The following RORA variants were observed in gnomAD, a reference collection of about 807,000 sequenced individuals.
RORA encodes the protein RAR related orphan receptor A.
A neutral mutation model predicts 69.5 loss-of-function variants in RORA; 7 were observed. That is an observed-to-expected ratio of 0.10 (90% CI 0.06 to 0.19). RORA has a LOEUF of 0.19. RORA is among the 10% of genes least tolerant of loss of function. The pLI is 1.00. For missense variants in RORA, 457 were observed against 663.0 expected (o/e 0.69, Z 3.41); for synonymous variants, 261 against 240.8 (o/e 1.08, Z -0.78).
chr15:60,617,659 C>CAGACAG (rs2069283032), intron 2 of RORA, among the ~76,000 whole-genome samples: 1 of 141,440 alleles, frequency 7.1e-6, no homozygotes, highest in Non-Finnish European at 1.6e-5. Context: ...CACATACAGA[C>CAGACAG]AGAGAGAGAG....
At chr15:60,808,725 T>C (rs936774886) in intron 1 of RORA, among the ~76,000 whole-genome samples, 1 of 149,444 alleles carries the variant, frequency 6.7e-6, no homozygotes, top group Non-Finnish European at 1.5e-5. Context: ...TAAAACATAA[T>C]TTATATATAT....
At chr15:60,717,730 T>C (rs1194619409) in intron 1 of RORA, among the ~76,000 whole-genome samples, 1 of 151,938 alleles carries the variant, frequency 6.6e-6, no homozygotes, top group Non-Finnish European at 1.5e-5. Context: ...AGCTAGAGTT[T>C]AGGTAGAAAA....
chr15:60,840,345 G>A (rs1183754834), intron 1 of RORA, among the ~76,000 whole-genome samples: 1 of 152,230 alleles, frequency 6.6e-6, no homozygotes, highest in Non-Finnish European at 1.5e-5. Flanking sequence ...AGGCCTGGTG[G>A]AGATTGAGAG....
At chr15:61,122,540 A>G (rs1258877328) in intron 1 of RORA, among the ~76,000 whole-genome samples, 1 of 152,212 alleles carries the variant, frequency 6.6e-6, no homozygotes, top group Non-Finnish European at 1.5e-5. Context: ...CATTTTATAT[A>G]TGGCTGTATA....
rs138223511 is a variant in RORA at position 60,990,510 on chromosome 15, C to T, written c.166+238543G>A. Reference sequence around the variant, plus strand: ...TAATTCTTTCATTTCCAATCATTCCCGGGTAAGAAATGGCTGATCAAACAG... The same window carrying T: ...TAATTCTTTCATTTCCAATCATTCCTGGGTAAGAAATGGCTGATCAAACAG... On this transcript the variant is annotated intron_variant, in intron 1 of 10. Coordinates refer to ENST00000335670, the MANE Select transcript of RORA (RefSeq NM_134261.3). 3.8e-3 allele frequency among the ~76,000 whole-genome samples: 571 copies of T among 152,140 alleles called. 6 individuals carry two copies. Among genetic ancestry groups the T allele is most frequent in the African/African-American group, 0.01 (426 of 41,492 alleles).
chr15:60,895,646 A>C (rs1567228952), intron 1 of RORA, among the ~76,000 whole-genome samples: 1 of 152,218 alleles, frequency 6.6e-6, no homozygotes, highest in Non-Finnish European at 1.5e-5. Context: ...AAAATAAAAT[A>C]AAATAAACTC....
intron 2 of RORA, chr15:60,556,830 T>C: frequency 1.3e-6 from 2 of 1,570,968 alleles, no homozygotes; most frequent in Non-Finnish European, 1.7e-6. Flanking sequence ...ACCTTGCAAA[T>C]TACAGTGGAT....
At chr15:61,210,981 C>T (rs1463661756) in intron 1 of RORA, among the ~76,000 whole-genome samples, 1 of 152,208 alleles carries the variant, frequency 6.6e-6, no homozygotes, top group Non-Finnish European at 1.5e-5. Flanking sequence ...GGAGAACTCC[C>T]GAAGGTGGTT....
chr15:60,611,071 G>T (rs2140582155), intron 2 of RORA, among the ~76,000 whole-genome samples: 2 of 152,314 alleles, frequency 1.3e-5, no homozygotes, highest in South Asian at 4.1e-4. Context: ...AAGGGAGAAA[G>T]AACGTATTCT....
At chr15:60,588,989 A>T (rs1177728056) in intron 2 of RORA, among the ~76,000 whole-genome samples, 1 of 152,164 alleles carries the variant, frequency 6.6e-6, no homozygotes, top group Non-Finnish European at 1.5e-5. Flanking sequence ...GGATTCAGAA[A>T]TCCTCTTTGT....
At chr15:60,807,617 A>G (rs990955369) in intron 1 of RORA, among the ~76,000 whole-genome samples, 3 of 152,212 alleles carry the variant, frequency 2.0e-5, no homozygotes, top group African/African-American at 7.2e-5. Flanking sequence ...CACATAGCCA[A>G]AGCAAGCCTA....
Position 60,887,541 on chromosome 15 carries a change from G to A in RORA, c.167-208855C>T, listed in dbSNP as rs182580620. ...GAAAGAAATGACAAAGAAGCAGGCGGACAAAATGAATAGAAAAAATGGCAT... is the reference window on the plus strand; with the variant it reads ...GAAAGAAATGACAAAGAAGCAGGCGAACAAAATGAATAGAAAAAATGGCAT... On this transcript the variant is annotated intron_variant, in intron 1 of 10. Transcript: ENST00000335670. 8.5e-5 allele frequency among the ~76,000 whole-genome samples: 13 copies of A among 152,314 alleles called. No homozygotes were observed. In the East Asian group the frequency reaches 2.3e-3, roughly 27 times the overall value.
chr15:60,767,999 C>T (rs2072015743), intron 1 of RORA, among the ~76,000 whole-genome samples: 2 of 152,206 alleles, frequency 1.3e-5, no homozygotes, highest in African/African-American at 4.8e-5. Context: ...AAGTACTACT[C>T]CATGCAGGGT....
chr15:60,793,325 G>A (rs1054353401), intron 1 of RORA, among the ~76,000 whole-genome samples: 7 of 152,106 alleles, frequency 4.6e-5, no homozygotes, highest in African/African-American at 1.7e-4. Context: ...AACTAATAAG[G>A]CTTAGAAGTG....
chr15:60,815,026 T>C (rs1249764020), intron 1 of RORA, among the ~76,000 whole-genome samples: 1 of 152,110 alleles, frequency 6.6e-6, no homozygotes, highest in East Asian at 1.9e-4. Context: ...TGATCAAACA[T>C]AAAAACCCCC....
intron 1 of RORA, among the ~76,000 whole-genome samples, chr15:60,991,257 A>G (rs1354788726): frequency 1.3e-5 from 2 of 148,600 alleles, no homozygotes; most frequent in African/African-American, 2.5e-5. Context: ...AAGCAAGTAG[A>G]AACTGTTTGT....
At chr15:61,222,322 G>C (rs1187506591) in intron 1 of RORA, among the ~76,000 whole-genome samples, 1 of 152,184 alleles carries the variant, frequency 6.6e-6, no homozygotes, top group Non-Finnish European at 1.5e-5. Context: ...TGATAAGACA[G>C]TCTGTAATAA....
chr15:60,654,039 C>T (rs566843229), intron 2 of RORA, among the ~76,000 whole-genome samples: 22 of 152,314 alleles, frequency 1.4e-4, no homozygotes, highest in African/African-American at 5.1e-4. Flanking sequence ...CTCTTCTTCT[C>T]CCGTGAAGGC....
At chr15:60,961,553 C>T (rs1255946322) in intron 1 of RORA, among the ~76,000 whole-genome samples, 1 of 152,222 alleles carries the variant, frequency 6.6e-6, no homozygotes, top group Non-Finnish European at 1.5e-5. Flanking sequence ...AGCGTCTCAG[C>T]TGCTACTTTA....
Sources: allele counts gnomAD v4.1 joint callset (sites outside exome capture counted in the v4.1 genomes callset), GRCh38; gene constraint gnomAD v4.1.1; transcripts MANE v1.5; gene names NCBI Gene and HGNC (gene_info 2026-07-23, HGNC 2026-07-21).